The following SLC35F4 variants were observed in gnomAD, a reference collection of about 807,000 sequenced individuals.
SLC35F4 encodes solute carrier family 35 member F4, also known as chromosome 14 open reading frame 36.
A neutral mutation model predicts 44.2 loss-of-function variants in SLC35F4; 24 were observed. That is an observed-to-expected ratio of 0.54 (90% CI 0.39 to 0.76). The LOEUF (loss-of-function observed/expected upper bound fraction) is 0.76. Among genes scored for constraint, SLC35F4 ranks in the 30% least tolerant of loss-of-function variants. The probability of loss-of-function intolerance (pLI) is 0.00; values close to 1 mark genes in which losing one functional copy is unlikely to be tolerated. For missense variants in SLC35F4, 562 were observed against 586.1 expected (o/e 0.96, Z 0.42); for synonymous variants, 238 against 223.6 (o/e 1.06, Z -0.57).
At chr14:57,843,083 T>A (rs1306844925) in intron 1 of SLC35F4, among the ~76,000 whole-genome samples, 1 of 152,206 alleles carries the variant, frequency 6.6e-6, no homozygotes. Context: ...AGCCACAGAA[T>A]GAAGGCATTG....
intron 1 of SLC35F4, among the ~76,000 whole-genome samples, chr14:57,719,928 C>A (rs2180807): frequency 0.016 from 2,407 of 152,156 alleles, 71 homozygotes; most frequent in African/African-American, 0.056. Flanking sequence ...ACATTCAGTA[C>A]AATAATAGCT....
intron 1 of SLC35F4, among the ~76,000 whole-genome samples, chr14:57,746,652 T>G (rs2076762326): frequency 6.6e-6 from 1 of 152,120 alleles, no homozygotes; most frequent in Non-Finnish European, 1.5e-5. Flanking sequence ...AATAAAAAAG[T>G]GCAAAAAAAT....
intron 1 of SLC35F4, among the ~76,000 whole-genome samples, chr14:57,599,563 C>T (rs1046400210): frequency 6.6e-5 from 10 of 152,162 alleles, no homozygotes; most frequent in Admixed American, 2.6e-4. Flanking sequence ...AATCTGGGGC[C>T]GGGCACGGTG....
chr14:57,697,256 T>A (rs1361761967), intron 1 of SLC35F4, among the ~76,000 whole-genome samples: 1 of 152,204 alleles, frequency 6.6e-6, no homozygotes, highest in Non-Finnish European at 1.5e-5. Flanking sequence ...TATATAATTC[T>A]AAATATTTAG....
chr14:57,730,046 C>T (rs1047938945), intron 1 of SLC35F4, among the ~76,000 whole-genome samples: 1 of 152,206 alleles, frequency 6.6e-6, no homozygotes, highest in African/African-American at 2.4e-5. Context: ...CCCCATAGGG[C>T]ACAGATGGTC....
At chr14:57,710,428 G>A (rs1213198187) in intron 1 of SLC35F4, among the ~76,000 whole-genome samples, 1 of 152,130 alleles carries the variant, frequency 6.6e-6, no homozygotes, top group Non-Finnish European at 1.5e-5. Flanking sequence ...GAGAAATGTG[G>A]GGATGGAGCC....
intron 6 of SLC35F4, among the ~76,000 whole-genome samples, chr14:57,569,194 A>G (rs1475555618): frequency 6.6e-6 from 1 of 152,136 alleles, no homozygotes; most frequent in African/African-American, 2.4e-5. Flanking sequence ...CCTATCACAA[A>G]TCCATTCTCC....
At chr14:57,668,968 A>G (rs1462268752) in intron 1 of SLC35F4, among the ~76,000 whole-genome samples, 2 of 151,960 alleles carry the variant, frequency 1.3e-5, no homozygotes, top group Non-Finnish European at 2.9e-5. Flanking sequence ...ATGAGCATGG[A>G]ATGTTCTTCC....
chr14:57,759,051 T>C (rs1240728113), intron 1 of SLC35F4, among the ~76,000 whole-genome samples: 2 of 152,242 alleles, frequency 1.3e-5, no homozygotes, highest in African/African-American at 2.4e-5. Flanking sequence ...TATGTTGTTA[T>C]ATATGTCGGG....
chr14:57,895,019 G>A (rs999328381), intron 1 of SLC35F4, among the ~76,000 whole-genome samples: 3 of 152,138 alleles, frequency 2.0e-5, no homozygotes, highest in Non-Finnish European at 4.4e-5. Flanking sequence ...TATGCATTGA[G>A]TGCCTAATTT....
chr14:57,744,896 T>C (rs1328334440), intron 1 of SLC35F4, among the ~76,000 whole-genome samples: 1 of 152,086 alleles, frequency 6.6e-6, no homozygotes, highest in Admixed American at 6.5e-5. Flanking sequence ...AACAGAGATA[T>C]AGACCAATGG....
chr14:57,703,447 C>T (rs1439343794), intron 1 of SLC35F4, among the ~76,000 whole-genome samples: 1 of 152,202 alleles, frequency 6.6e-6, no homozygotes, highest in Non-Finnish European at 1.5e-5. Context: ...AAGAGGCCAA[C>T]AGACAAATGT....
chr14:57,925,269 A>G (rs2141060842), intron 1 of SLC35F4, among the ~76,000 whole-genome samples: 1 of 152,102 alleles, frequency 6.6e-6, no homozygotes, highest in South Asian at 2.1e-4. Context: ...CATTTTTATA[A>G]TGTCTGCCTT....
intron 1 of SLC35F4, among the ~76,000 whole-genome samples, chr14:57,728,251 T>C (rs1318525213): frequency 2.0e-5 from 3 of 152,126 alleles, no homozygotes; most frequent in Non-Finnish European, 4.4e-5. Context: ...TTTTCATCCC[T>C]TTATTTTCAG....
intron 1 of SLC35F4, among the ~76,000 whole-genome samples, chr14:57,789,539 G>A (rs1177714309): frequency 6.6e-6 from 1 of 152,106 alleles, no homozygotes; most frequent in African/African-American, 2.4e-5. Flanking sequence ...CGGACCAGAT[G>A]GATTCACAGC....
At chr14:57,708,822 G>C (rs917719787) in intron 1 of SLC35F4, among the ~76,000 whole-genome samples, 23 of 152,176 alleles carry the variant, frequency 1.5e-4, no homozygotes, top group Admixed American at 1.3e-3. Context: ...AAGAGTGTGA[G>C]CCATCTCCAA....
intron 1 of SLC35F4, among the ~76,000 whole-genome samples, chr14:57,673,149 A>G (rs1248244412): frequency 6.6e-6 from 1 of 152,138 alleles, no homozygotes; most frequent in Non-Finnish European, 1.5e-5. Context: ...TCAATAGGCC[A>G]CTTTTTTATG....
chr14:57,875,720 G>A (rs1888385408), intron 1 of SLC35F4, among the ~76,000 whole-genome samples: 3 of 152,312 alleles, frequency 2.0e-5, no homozygotes, highest in African/African-American at 7.2e-5. Context: ...CTCAGAACTT[G>A]CTTCTTTCAT....
At chr14:57,656,175 G>A (rs537606777) in intron 1 of SLC35F4, among the ~76,000 whole-genome samples, 1 of 151,740 alleles carries the variant, frequency 6.6e-6, no homozygotes, top group African/African-American at 2.4e-5. Flanking sequence ...CCTATCTTGC[G>A]TATTAACCAC....
Sources: allele counts gnomAD v4.1 joint callset (sites outside exome capture counted in the v4.1 genomes callset), GRCh38; gene constraint gnomAD v4.1.1; transcripts MANE v1.5; gene names NCBI Gene and HGNC (gene_info 2026-07-23, HGNC 2026-07-21).